Variants in LPIN1 observed in about 807,000 individuals in gnomAD.
LPIN1 encodes the protein phosphatidate phosphatase LPIN1.
Under a neutral mutation model 107.5 loss-of-function variants are expected in LPIN1, and 71 were observed. The ratio of observed to expected loss-of-function variants is 0.66; its 90% confidence interval spans 0.55 to 0.80. The LOEUF is 0.80. LPIN1 is among the 30% of genes least tolerant of loss of function. The pLI, the probability that LPIN1 is intolerant of heterozygous loss-of-function variation, is 0.00. For synonymous variants in LPIN1, 445 were observed against 452.6 expected, an observed-to-expected ratio of 0.98 and a Z score of 0.21; for missense variants, 1,043 against 1,160.6, an observed-to-expected ratio of 0.90 and a Z score of 1.47.
At chr2:11,685,301 TGGAGGCTGGC>T (rs1348382968) in intron 1 of LPIN1, among the ~76,000 whole-genome samples, 3 of 152,070 alleles carry the variant, frequency 2.0e-5, no homozygotes, top group African/African-American at 7.2e-5. Flanking sequence ...GAGAGCGGTG[TGGAGGCTGGC>T]GGAGCACAGG....
chr2:11,744,186 C>A (rs538449019), upstream of LPIN1, among the ~76,000 whole-genome samples: 5 of 152,360 alleles, frequency 3.3e-5, no homozygotes, highest in Non-Finnish European at 7.3e-5. Flanking sequence ...TTACTCATCC[C>A]TGGAGTTCCT....
intron 1 of LPIN1, among the ~76,000 whole-genome samples, chr2:11,699,813 A>C (rs969778854): frequency 2.6e-5 from 4 of 152,116 alleles, no homozygotes; most frequent in Admixed American, 1.3e-4. Context: ...AGGGCAATAG[A>C]AATGACTGAT....
At position 11,803,105 on chromosome 2, in the gene LPIN1, A is replaced by G; in HGVS notation, c.2013+72A>G. 1 of 1,595,450 alleles carries G rather than the reference A, an allele frequency of 6.3e-7. No individual in the cohort carries two copies. The highest frequency in any genetic ancestry group is 8.6e-7 in the Non-Finnish European group (1 of 1,169,146). On this transcript the variant is annotated intron_variant, in intron 15 of 20. Coordinates refer to ENST00000674199, the MANE Select transcript of LPIN1 (RefSeq NM_001349206.2). This position sits in a 1 kb window ranked among gnomAD's most constrained non-coding sequence, Gnocchi z 4.2. ...TTCTGCAGACTCCTAAGGCTGTGTG[A>G]TGGTTGGGATGTGCCCGTTACTTGT...
At chr2:11,747,980 C>A (rs538315842) in intron 1 of LPIN1, among the ~76,000 whole-genome samples, 1 of 152,188 alleles carries the variant, frequency 6.6e-6, no homozygotes, top group Non-Finnish European at 1.5e-5. Flanking sequence ...GGACCCTGAG[C>A]GAGTTCTTTC....
In LPIN1 at chr2:11,782,621, C is replaced by T; in HGVS notation, c.1264+114C>T. The T allele has an allele frequency of 3.4e-6, 4 of 1,181,358 alleles. No individual in the cohort carries two copies. In the South Asian group the frequency reaches 5.3e-5, roughly 16 times the overall value. The allele number at this position is 1,181,358 out of a possible 1,614,324, so 73.2% of individuals were successfully genotyped here. A position where few individuals can be genotyped will look rare whatever the true frequency, so the allele number is the denominator to read the frequency against. Reference sequence around the variant, plus strand: ...AACTGAGGTAGAAACTGAACCGTGACAATGATCATGTTCAGTCTGAGCTCT... The same window carrying T: ...AACTGAGGTAGAAACTGAACCGTGATAATGATCATGTTCAGTCTGAGCTCT... On this transcript the variant is annotated intron_variant, in intron 8 of 20. Transcript: ENST00000674199.
chr2:11,755,667 G>A (rs984760610), intron 1 of LPIN1, among the ~76,000 whole-genome samples: 2 of 152,130 alleles, frequency 1.3e-5, no homozygotes, highest in African/African-American at 4.8e-5. Flanking sequence ...GAGGAGGCAG[G>A]TGGAAATCCA....
chr2:11,680,431 T>G (rs1279606960), intron 1 of LPIN1, among the ~76,000 whole-genome samples: 1 of 151,180 alleles, frequency 6.6e-6, no homozygotes, highest in Non-Finnish European at 1.5e-5. Flanking sequence ...AACGGGGCGA[T>G]CTGGGGGCGG....
At chr2:11,736,112 C>T (rs1665769481) in intron 1 of LPIN1, among the ~76,000 whole-genome samples, 1 of 152,238 alleles carries the variant, frequency 6.6e-6, no homozygotes, top group East Asian at 1.9e-4. Flanking sequence ...TGTGTTGGGG[C>T]AGCCTGGGGA....
intron 17 of LPIN1, among the ~76,000 whole-genome samples, chr2:11,811,857 T>C (rs998083562): frequency 1.3e-5 from 2 of 152,060 alleles, no homozygotes; most frequent in African/African-American, 2.4e-5. Context: ...TGGTAGTGCA[T>C]GCCTGTAGTC....
At chr2:11,796,442 G>A (rs1279426423) in intron 14 of LPIN1, among the ~76,000 whole-genome samples, 1 of 152,102 alleles carries the variant, frequency 6.6e-6, no homozygotes, top group Admixed American at 6.6e-5. Flanking sequence ...AGAAACCCAC[G>A]TGGGAGGCAG....
chr2:11,680,863 G>A (rs1661676860), intron 1 of LPIN1, among the ~76,000 whole-genome samples: 1 of 152,212 alleles, frequency 6.6e-6, no homozygotes. Context: ...GAAGGCCAAA[G>A]TTCGGGGGCC....
chr2:11,739,073 A>G (rs1666078968), intron 1 of LPIN1, among the ~76,000 whole-genome samples: 1 of 152,250 alleles, frequency 6.6e-6, no homozygotes, highest in African/African-American at 2.4e-5. Flanking sequence ...ATGTGGTGAA[A>G]GTGACGATGA....
intron 1 of LPIN1, among the ~76,000 whole-genome samples, chr2:11,734,676 A>T (rs1275064622): frequency 2.0e-5 from 3 of 152,102 alleles, no homozygotes; most frequent in Non-Finnish European, 2.9e-5. Context: ...TGATGTTTAC[A>T]TTTCAAAGAG....
chr2:11,762,344 G>T (rs1178227789), intron 1 of LPIN1, among the ~76,000 whole-genome samples: 2 of 151,310 alleles, frequency 1.3e-5, no homozygotes, highest in Non-Finnish European at 2.9e-5. Context: ...GGGTTCTATG[G>T]AGGCTTTATT....
chr2:11,746,759 G>A (rs1419526938), intron 1 of LPIN1, 88 bp downstream of exon 1: 1 of 691,658 alleles, frequency 1.4e-6, no homozygotes, highest in East Asian at 1.3e-4. Flanking sequence ...CCGGGGCGCT[G>A]AGGACGCGTG....
chr2:11,721,581 A>G (rs2148534224), upstream of LPIN1: 1 of 152,274 alleles, frequency 6.6e-6, no homozygotes, highest in African/African-American at 2.4e-5. Context: ...CTGGGTCTCT[A>G]TCCTCACTGT....
chr2:11,822,375 A>G (rs1405986713), intron 20 of LPIN1, among the ~76,000 whole-genome samples: 1 of 151,516 alleles, frequency 6.6e-6, no homozygotes, highest in Non-Finnish European at 1.5e-5. Flanking sequence ...ACTTGAACCC[A>G]GGAGACGGAG....
intron 1 of LPIN1, among the ~76,000 whole-genome samples, chr2:11,700,517 C>G (rs913235510): frequency 2.0e-5 from 3 of 152,116 alleles, no homozygotes; most frequent in African/African-American, 7.2e-5. Flanking sequence ...CGCTCTCTCT[C>G]CCTCTCCCAC....
At chr2:11,711,437 A>G (rs113294133) in intron 1 of LPIN1, among the ~76,000 whole-genome samples, 94 of 152,336 alleles carry the variant, frequency 6.2e-4, no homozygotes, top group African/African-American at 2.0e-3. Flanking sequence ...ATACAATCCT[A>G]TAACACACAT....
Sources: allele counts gnomAD v4.1 joint callset (sites outside exome capture counted in the v4.1 genomes callset), GRCh38; gene constraint gnomAD v4.1.1; non-coding constraint Gnocchi (gnomAD v3.1); transcripts MANE v1.5; gene names NCBI Gene and HGNC (gene_info 2026-07-23, HGNC 2026-07-21).